Variants in RAB11A observed in about 807,000 individuals in gnomAD.
RAB11A encodes RAB11A, member RAS oncogene family.
A neutral mutation model predicts 28.0 loss-of-function variants in RAB11A; 9 were observed. That is an observed-to-expected ratio of 0.32 (90% CI 0.19 to 0.56). RAB11A has a LOEUF of 0.56. RAB11A is among the 20% of genes least tolerant of loss of function. The pLI, the probability that RAB11A is intolerant of heterozygous loss-of-function variation, is 0.91. For missense variants in RAB11A, 108 were observed against 269.6 expected, an observed-to-expected ratio of 0.40 and a Z score of 4.20; for synonymous variants, 85 against 88.2, an observed-to-expected ratio of 0.96 and a Z score of 0.20.
chr15:65,882,463 A>AT (rs1035467622), intron 4 of RAB11A, among the ~76,000 whole-genome samples: 7 of 152,222 alleles, frequency 4.6e-5, no homozygotes, highest in Admixed American at 4.6e-4. Context: ...TAGCTTTAAA[A>AT]TTTCTAAAAA....
intron 4 of RAB11A, among the ~76,000 whole-genome samples, chr15:65,887,416 G>A (rs369412187): frequency 6.6e-6 from 1 of 152,104 alleles, no homozygotes; most frequent in Admixed American, 6.6e-5. Flanking sequence ...CAGGTGATCT[G>A]CCTGGCCTGG....
At position 65,877,318 on chromosome 15, in the gene RAB11A, C is replaced by A; in HGVS notation, c.41-14C>A. ...TGCCTCATTCATCTGACATTGAATTCTTTGTCTTTCCAGTTGTCCTTATTG... is the reference window on the plus strand; with the variant it reads ...TGCCTCATTCATCTGACATTGAATTATTTGTCTTTCCAGTTGTCCTTATTG... On this transcript the variant is annotated splice_polypyrimidine_tract_variant and intron_variant, in intron 1 of 4. Transcript: ENST00000261890. This position sits in a 1 kb window ranked among gnomAD's most constrained non-coding sequence, Gnocchi z 4.1. The A allele has an allele frequency of 6.3e-7, 1 of 1,596,504 alleles. No individual in the cohort carries two copies. The highest frequency in any genetic ancestry group is 2.2e-5 in the East Asian group (1 of 44,608).
intron 1 of RAB11A, among the ~76,000 whole-genome samples, chr15:65,876,534 C>T (rs1056988603): frequency 2.0e-5 from 3 of 152,098 alleles, no homozygotes; most frequent in Non-Finnish European, 2.9e-5. Flanking sequence ...TGGCGTCAAG[C>T]AATCCGCCCA....
chr15:65,875,292 ATTTT>A (rs549907668), intron 1 of RAB11A, among the ~76,000 whole-genome samples: 1 of 148,098 alleles, frequency 6.8e-6, no homozygotes, highest in East Asian at 2.0e-4. Flanking sequence ...TTGTATTTAA[ATTTT>A]TTTTTTTGTA....
In RAB11A at chr15:65,874,909, G is replaced by A. The variant is rs530005016; in HGVS notation, c.41-2423G>A. Reference sequence around the variant, plus strand: ...AGAAAATACAAAAAATTAGCTGAGCGTGTTGGCATGTGCCTGTAGTTCCAG... The same window carrying A: ...AGAAAATACAAAAAATTAGCTGAGCATGTTGGCATGTGCCTGTAGTTCCAG... On this transcript the variant is annotated intron_variant, in intron 1 of 4. Coordinates refer to ENST00000261890, the MANE Select transcript of RAB11A (RefSeq NM_004663.5). Among the ~76,000 whole-genome samples, 5 of 152,222 alleles carry A rather than the reference G, an allele frequency of 3.3e-5. No homozygotes were observed. In the East Asian group the frequency reaches 5.8e-4, roughly 18 times the overall value.
At chr15:65,872,731 G>A (rs1220598915) in intron 1 of RAB11A, among the ~76,000 whole-genome samples, 1 of 152,130 alleles carries the variant, frequency 6.6e-6, no homozygotes, top group African/African-American at 2.4e-5. Context: ...ACCGTGCCTG[G>A]CCAGATTTCT....
intron 4 of RAB11A, 90 bp downstream of exon 4, chr15:65,879,841 C>T: frequency 1.0e-6 from 1 of 978,766 alleles, no homozygotes; most frequent in South Asian, 1.6e-5. Flanking sequence ...AACTATATAT[C>T]AGCCGAGAGT....
intron 4 of RAB11A, among the ~76,000 whole-genome samples, chr15:65,881,449 A>G (rs1483022390): frequency 6.6e-6 from 1 of 152,180 alleles, no homozygotes; most frequent in Non-Finnish European, 1.5e-5. Context: ...AATTACCTTA[A>G]AGATGTGTGA....
At chr15:65,869,675 G>GGCCACTCCCGGTGGACCCTC in intron 1 of RAB11A, 50 bp downstream of exon 1, 1 of 1,574,370 alleles carries the variant, frequency 6.4e-7, no homozygotes, top group Non-Finnish European at 8.7e-7. Flanking sequence ...CGGGGACCCG[G>GGCCACTCCCGGTGGACCCTC]GCCACTCCCG....
At chr15:65,875,594 T>G (rs924890725) in intron 1 of RAB11A, among the ~76,000 whole-genome samples, 2 of 152,234 alleles carry the variant, frequency 1.3e-5, no homozygotes, top group African/African-American at 4.8e-5. Flanking sequence ...GACTCTCTAG[T>G]TAGAAATAAC....
intron 1 of RAB11A, among the ~76,000 whole-genome samples, chr15:65,873,925 T>C (rs2078177763): frequency 6.6e-6 from 1 of 152,072 alleles, no homozygotes; most frequent in East Asian, 1.9e-4. Flanking sequence ...TTTGAGGAGG[T>C]TGGACTATGA....
At chr15:65,872,434 CT>C (rs766926004) in intron 1 of RAB11A, among the ~76,000 whole-genome samples, 240 of 136,066 alleles carry the variant, frequency 1.8e-3, no homozygotes, top group Admixed American at 3.3e-3. Context: ...AGGATTTCTA[CT>C]TTTTTTTTTT....
intron 1 of RAB11A, among the ~76,000 whole-genome samples, chr15:65,871,929 T>G (rs915754635): frequency 1.5e-5 from 2 of 129,672 alleles, no homozygotes; most frequent in Non-Finnish European, 3.3e-5. Context: ...GTTTTTTTTT[T>G]TTTTTTTTTT....
Position 65,887,817 on chromosome 15 carries a change from G to A in RAB11A, c.628G>A (p.Val210Met), listed in dbSNP as rs1442206199. Residue 210 changes from valine (V) to methionine (M), a missense_variant, in exon 5 of 5, where the codon GTG (valine) becomes ATG (methionine). By Grantham distance (21) the Val-to-Met change is conservative. Transcript: ENST00000261890. ...ACCAACCACTGAAAACAAGCCAAAG[G>A]TGCAGTGCTGTCAGAACATCTAAGG... is the stretch of plus-strand genomic sequence containing the variant. ...VPPTTENKPK[V>M]QCCQNI 6.2e-7 allele frequency: 1 copy of A among 1,612,150 alleles called. No homozygotes were observed. Among genetic ancestry groups the A allele is most frequent in the Non-Finnish European group, 8.5e-7 (1 of 1,179,270 alleles).
intron 1 of RAB11A, among the ~76,000 whole-genome samples, chr15:65,871,142 C>T (rs1298409699): frequency 6.6e-6 from 1 of 152,102 alleles, no homozygotes; most frequent in Non-Finnish European, 1.5e-5. Flanking sequence ...GAATGATTGA[C>T]TAAACCAAGC....
In RAB11A at chr15:65,891,830, A is replaced by G. The variant is rs1049037494; in HGVS notation, c.*3990A>G. The stretch of plus-strand genomic sequence containing the variant: ...CTGTCAATATCAACAATATGCATCA[A>G]AGTACCATATATGCTAAGGGAGAGG... On this transcript the variant is annotated 3_prime_UTR_variant, in exon 5 of 5. Transcript: ENST00000261890. 6.6e-6 allele frequency: 1 copy of G among 152,200 alleles called. No individual in the cohort carries two copies. 9.4% of individuals were successfully genotyped at this position (152,200 alleles called of 1,614,324 possible). A position where few individuals can be genotyped will look rare whatever the true frequency, so the allele number is the denominator to read the frequency against.
intron 1 of RAB11A, among the ~76,000 whole-genome samples, chr15:65,872,923 G>A (rs2078171668): frequency 6.6e-6 from 1 of 152,192 alleles, no homozygotes; most frequent in Admixed American, 6.6e-5. Flanking sequence ...GACTGCAGCT[G>A]TTTCTACTTA....
rs1251632357 is a variant in RAB11A, at chr15:65,887,779, C to T, written c.590C>T (p.Pro197Leu). 1 of 1,613,750 alleles carries T rather than the reference C, an allele frequency of 6.2e-7. No homozygotes were observed. ...ATGTCTCCAAGCAACAATGTGGTTC[C>T]TATTCATGTTCCACCAACCACTGAA... ...NDMSPSNNVV[P>L]IHVPPTTENK... The change falls in exon 5 of 5, where the codon CCT becomes CTT. Residue 197 changes from proline to leucine, a missense_variant. Transcript: ENST00000261890.
Position 65,878,191 on chromosome 15 carries a change from A to G in RAB11A, c.430+236A>G, listed in dbSNP as rs1279316123. Reference sequence around the variant, plus strand: ...TGTATATTCTGTCTCTTTTTCTGTTATGTTTCTGTGTTTACAAAGGCTGCT... The same window carrying G: ...TGTATATTCTGTCTCTTTTTCTGTTGTGTTTCTGTGTTTACAAAGGCTGCT... On this transcript the variant is annotated intron_variant, in intron 3 of 4. Coordinates refer to ENST00000261890, the MANE Select transcript of RAB11A (RefSeq NM_004663.5). Among the ~76,000 whole-genome samples the G allele has an allele frequency of 2.0e-5, 3 of 152,150 alleles. No individual in the cohort carries two copies. In the East Asian group the frequency reaches 5.8e-4, roughly 29 times the overall value.
Sources: allele counts gnomAD v4.1 joint callset (sites outside exome capture counted in the v4.1 genomes callset), GRCh38; gene constraint gnomAD v4.1.1; non-coding constraint Gnocchi (gnomAD v3.1); transcripts MANE v1.5; gene names NCBI Gene and HGNC (gene_info 2026-07-23, HGNC 2026-07-21).